The following ANO10 variants were observed in gnomAD, a reference collection of about 807,000 sequenced individuals.
ANO10 encodes anoctamin 10.
ANO10 carries 77 observed loss-of-function variants against 74.7 expected under a neutral mutation model. That is an observed-to-expected ratio of 1.03 (90% CI 0.86 to 1.25). The LOEUF is 1.25. Ranked by LOEUF, ANO10 falls within the 50% of genes most tolerant of loss-of-function variation. ANO10 has a pLI of 0.00. For synonymous variants in ANO10, 279 were observed against 284.9 expected (o/e 0.98, Z 0.21); for missense variants, 721 against 778.1 (o/e 0.93, Z 0.87).
chr3:43,506,644 G>A (rs915773246), intron 11 of ANO10, among the ~76,000 whole-genome samples: 10 of 152,090 alleles, frequency 6.6e-5, no homozygotes, highest in African/African-American at 2.4e-4. Context: ...TTTCTTTGCT[G>A]TTCCTTAATA....
intron 8 of ANO10, among the ~76,000 whole-genome samples, chr3:43,564,500 T>C (rs908844685): frequency 2.0e-5 from 3 of 152,190 alleles, no homozygotes; most frequent in Admixed American, 1.3e-4. Flanking sequence ...CAATCATATA[T>C]AAAAATAAAA....
chr3:43,561,099 A>C, intron 9 of ANO10, 121 bp downstream of exon 9: 1 of 1,158,566 alleles, frequency 8.6e-7, no homozygotes, highest in Non-Finnish European at 1.3e-6. Flanking sequence ...GAGGAAACTG[A>C]CTGGAAAGCA....
At chr3:43,627,577 G>A (rs2083504301) in intron 1 of ANO10, among the ~76,000 whole-genome samples, 1 of 152,198 alleles carries the variant, frequency 6.6e-6, no homozygotes, top group Non-Finnish European at 1.5e-5. Flanking sequence ...CCTATTCAGG[G>A]GAGGTGTCCA....
intron 12 of ANO10, among the ~76,000 whole-genome samples, chr3:43,431,625 G>A (rs1460003303): frequency 3.3e-5 from 5 of 152,010 alleles, no homozygotes; most frequent in African/African-American, 1.2e-4. Flanking sequence ...AGGAATGCAG[G>A]TAACTTAGTC....
intron 11 of ANO10, among the ~76,000 whole-genome samples, chr3:43,503,742 G>T (rs919855534): frequency 4.6e-5 from 7 of 152,172 alleles, no homozygotes; most frequent in African/African-American, 1.7e-4. Context: ...GGCTGCCTTG[G>T]CTGCTCTGAC....
At chr3:43,620,771 A>C (rs2083354323) in intron 1 of ANO10, among the ~76,000 whole-genome samples, 1 of 152,232 alleles carries the variant, frequency 6.6e-6, no homozygotes, top group Admixed American at 6.5e-5. Context: ...TCTCAAAAAA[A>C]ACAAAAAGAA....
In ANO10 at chr3:43,600,641, C is replaced by A. The variant is rs370092995; in HGVS notation, c.140-60G>T. The stretch of plus-strand genomic sequence containing the variant: ...AACATAAAAGTTTCAAAACTAAAAA[C>A]TTTCTAAATAAATATAATGTTTCTA... On this transcript the variant is annotated intron_variant, in intron 2 of 12. Transcript: ENST00000292246. 1.1e-4 allele frequency: 144 copies of A among 1,342,608 alleles called. No homozygotes were observed. In the East Asian group the frequency reaches 2.7e-3, roughly 25 times the overall value. The allele number at this position is 1,342,608 out of a possible 1,614,324, so 83.2% of individuals were successfully genotyped here. A position where few individuals can be genotyped will look rare whatever the true frequency, so the allele number is the denominator to read the frequency against.
At position 43,462,174 on chromosome 3, in the gene ANO10, C is replaced by A. The variant is rs374672201; in HGVS notation, c.1798-29447G>T. Among the ~76,000 whole-genome samples the A allele has an allele frequency of 3.3e-5, 5 of 152,296 alleles. No homozygotes were observed. The East Asian group carries it at 7.7e-4, about 24-fold the overall frequency. On this transcript the variant is annotated intron_variant, in intron 11 of 12. Transcript: ENST00000292246. ...TTAGGGTATTTGGTGGAAGAAATTT[C>A]TAAGCAGCAAAGCATTCAACAGGTG...
chr3:43,501,403 A>C (rs2077095768), intron 11 of ANO10, among the ~76,000 whole-genome samples: 1 of 152,204 alleles, frequency 6.6e-6, no homozygotes, highest in African/African-American at 2.4e-5. Context: ...ATCATATTTC[A>C]ACATGAGGTT....
chr3:43,511,519 C>A (rs774234980), intron 11 of ANO10, among the ~76,000 whole-genome samples: 16 of 152,128 alleles, frequency 1.1e-4, no homozygotes, highest in Non-Finnish European at 2.2e-4. Flanking sequence ...TCTTTCTTCA[C>A]GTGTAAATCA....
rs531937739 is a variant in ANO10, at chr3:43,496,559, G to A, written c.1797+53161C>T. The stretch of plus-strand genomic sequence containing the variant: ...AGCAATCCTCCTACCTCAGCCTCCC[G>A]ACTACTTGGCACTACAGGGGCACAC... On this transcript the variant is annotated intron_variant, in intron 11 of 12. Transcript: ENST00000292246. 7.2e-5 allele frequency among the ~76,000 whole-genome samples: 11 copies of A among 151,904 alleles called. No homozygotes were observed. The South Asian group carries it at 8.3e-4, about 11-fold the overall frequency.
chr3:43,433,636 T>C (rs1350843179), intron 11 of ANO10, among the ~76,000 whole-genome samples: 1 of 152,198 alleles, frequency 6.6e-6, no homozygotes, highest in Non-Finnish European at 1.5e-5. Context: ...TATTTTTCCT[T>C]CTCACACAAG....
chr3:43,427,009 A>G (rs1255450891), intron 12 of ANO10, among the ~76,000 whole-genome samples: 9 of 152,210 alleles, frequency 5.9e-5, no homozygotes, highest in African/African-American at 1.9e-4. Flanking sequence ...GAGAAGAATA[A>G]CTGAATCCAC....
intron 4 of ANO10, among the ~76,000 whole-genome samples, chr3:43,594,867 A>C (rs542380460): frequency 6.6e-6 from 1 of 152,164 alleles, no homozygotes; most frequent in Non-Finnish European, 1.5e-5. Flanking sequence ...GACCGCTAGC[A>C]AGACTAATAA....
intron 12 of ANO10, among the ~76,000 whole-genome samples, chr3:43,392,145 C>T (rs2092288469): frequency 6.6e-6 from 1 of 151,504 alleles, no homozygotes; most frequent in Non-Finnish European, 1.5e-5. Context: ...TCTCTCTCAA[C>T]TGAATCTTTC....
chr3:43,626,479 T>A (rs149554520), upstream of ANO10, among the ~76,000 whole-genome samples: 2 of 151,898 alleles, frequency 1.3e-5, no homozygotes, highest in African/African-American at 2.4e-5. Context: ...TTGTATTTTT[T>A]TAGTAGAGAC....
At chr3:43,618,602 A>G (rs1367479297) in intron 1 of ANO10, among the ~76,000 whole-genome samples, 1 of 152,162 alleles carries the variant, frequency 6.6e-6, no homozygotes, top group Non-Finnish European at 1.5e-5. Flanking sequence ...AGTAAAGGCC[A>G]TTACTCTTTC....
chr3:43,366,542 A>T lies in ANO10; in HGVS notation c.*364T>A. 2.6e-6 allele frequency: 1 copy of T among 385,822 alleles called. No homozygotes were observed. The highest frequency in any genetic ancestry group is 2.2e-5 in the South Asian group (1 of 45,810). The allele number at this position is 385,822 out of a possible 1,614,324, so 23.9% of individuals were successfully genotyped here. ...CAACCTGTCCACGGGTCCCTGGGCCATGGTGGGGTTGGGAGTGACACTGCT... is the reference window on the plus strand; with the variant it reads ...CAACCTGTCCACGGGTCCCTGGGCCTTGGTGGGGTTGGGAGTGACACTGCT... On this transcript the variant is annotated 3_prime_UTR_variant, in exon 13 of 13. Transcript: ENST00000292246.
At chr3:43,507,009 C>G (rs9863943) in intron 11 of ANO10, among the ~76,000 whole-genome samples, 137,496 of 152,214 alleles carry the variant, frequency 0.9, 62,656 homozygotes, top group Non-Finnish European at 0.97. Context: ...AAAAGTGTCT[C>G]GCATCAAGTA....
Sources: allele counts gnomAD v4.1 joint callset (sites outside exome capture counted in the v4.1 genomes callset), GRCh38; gene constraint gnomAD v4.1.1; transcripts MANE v1.5; gene names NCBI Gene and HGNC (gene_info 2026-07-23, HGNC 2026-07-21).